PRIM2: variants seen among roughly 807,000 people sequenced by gnomAD.
PRIM2 encodes DNA primase subunit 2, also known as DNA primase large subunit.
PRIM2 carries 39 observed loss-of-function variants against 67.3 expected under a neutral mutation model. The observed-to-expected ratio is 0.58, with a 90% CI of 0.45 to 0.76. PRIM2 has a LOEUF of 0.76. Among genes scored for constraint, PRIM2 ranks in the 30% least tolerant of loss-of-function variants. The probability of loss-of-function intolerance (pLI) is 0.00; values close to 1 mark genes in which losing one functional copy is unlikely to be tolerated. For missense variants in PRIM2, 398 were observed against 598.7 expected, an observed-to-expected ratio of 0.66 and a Z score of 3.50; for synonymous variants, 143 against 198.7, an observed-to-expected ratio of 0.72 and a Z score of 2.36.
chr6:57,337,608 C>T (rs956258467), intron 5 of PRIM2, among the ~76,000 whole-genome samples: 3 of 152,152 alleles, frequency 2.0e-5, no homozygotes, highest in African/African-American at 7.2e-5. Flanking sequence ...TCCTGAATGA[C>T]TACTGGGTAT....
intron 7 of PRIM2, among the ~76,000 whole-genome samples, chr6:57,446,611 A>G (rs1262586743): frequency 6.6e-6 from 1 of 151,824 alleles, no homozygotes; most frequent in African/African-American, 2.4e-5. Flanking sequence ...AACAAGGTGG[A>G]TAGGTGAGAA....
At chr6:57,326,720 CA>C (rs34993120) in intron 5 of PRIM2, among the ~76,000 whole-genome samples, 4 of 145,442 alleles carry the variant, frequency 2.8e-5, no homozygotes, top group East Asian at 4.1e-4. Flanking sequence ...GACTCCGTCT[CA>C]AAAAAAAAAT....
At chr6:57,229,370 T>G in the PRIM2 span, among the ~76,000 whole-genome samples, 2 of 152,208 alleles carry the variant, frequency 1.3e-5, no homozygotes, top group African/African-American at 4.8e-5. Context: ...CTCAATGAAC[T>G]ACATTTAAAA....
chr6:57,240,710 G>T, the PRIM2 span, among the ~76,000 whole-genome samples: 1 of 152,082 alleles, frequency 6.6e-6, no homozygotes, highest in South Asian at 2.1e-4. Flanking sequence ...TACATAACAT[G>T]TTTGAAAAAC....
chr6:57,444,379 G>A (rs62399075), intron 7 of PRIM2, among the ~76,000 whole-genome samples: 2 of 151,922 alleles, frequency 1.3e-5, no homozygotes, highest in African/African-American at 4.8e-5. Flanking sequence ...CCAGCCTGAC[G>A]AACATACTGA....
intron 5 of PRIM2, among the ~76,000 whole-genome samples, chr6:57,329,334 G>A (rs941881888): frequency 5.9e-5 from 9 of 151,768 alleles, no homozygotes; most frequent in Non-Finnish European, 1.0e-4. Context: ...GTGAAGTAAG[G>A]GTCCAACTTC....
chr6:57,589,632 T>C (rs1776253141), intron 10 of PRIM2, among the ~76,000 whole-genome samples: 1 of 152,190 alleles, frequency 6.6e-6, no homozygotes, highest in Non-Finnish European at 1.5e-5. Flanking sequence ...CCGCTGTGCA[T>C]CCAAAAGCTT....
At position 57,318,591 on chromosome 6, in the gene PRIM2, GAGTTAAATGTA is replaced by G; in HGVS notation, c.150_154+6del. 6.4e-7 allele frequency: 1 copy of G among 1,559,552 alleles called. No homozygotes were observed. Among genetic ancestry groups the G allele is most frequent in the Non-Finnish European group, 8.7e-7 (1 of 1,149,588 alleles). The stretch of plus-strand genomic sequence containing the variant: ...GAATTTGAAAACTTGGCTATTGATA[GAGTTAAATGTA>G]AGTACTATTTAAATTAGAATGTATA... On this transcript the variant is annotated splice_donor_variant and splice_donor_region_variant and coding_sequence_variant and intron_variant, in exon 2 of 14. Transcript: ENST00000615550. LOFTEE classifies it high-confidence loss of function.
intron 11 of PRIM2, among the ~76,000 whole-genome samples, chr6:57,605,804 G>GT (rs1195273112): frequency 1.3e-5 from 2 of 151,806 alleles, no homozygotes; most frequent in Non-Finnish European, 2.9e-5. Flanking sequence ...CATATCCACC[G>GT]TAAGTTGTTT....
intron 7 of PRIM2, among the ~76,000 whole-genome samples, chr6:57,400,618 G>T (rs1484162169): frequency 6.6e-6 from 1 of 152,166 alleles, no homozygotes; most frequent in African/African-American, 2.4e-5. Flanking sequence ...AGAGTTCTCT[G>T]TATTTCCTGA....
intron 7 of PRIM2, among the ~76,000 whole-genome samples, chr6:57,440,199 T>A (rs1772158943): frequency 6.6e-6 from 1 of 151,256 alleles, no homozygotes; most frequent in African/African-American, 2.4e-5. Context: ...ACCTTTTATT[T>A]TTTTCTTTTC....
At chr6:57,590,325 G>A (rs1238873265) in intron 10 of PRIM2, among the ~76,000 whole-genome samples, 1 of 152,148 alleles carries the variant, frequency 6.6e-6, no homozygotes, top group African/African-American at 2.4e-5. Flanking sequence ...AACTGTTAAA[G>A]AAAAATAAGA....
At chr6:57,492,966 T>A (rs1227830967) in intron 7 of PRIM2, among the ~76,000 whole-genome samples, 1 of 152,210 alleles carries the variant, frequency 6.6e-6, no homozygotes, top group Non-Finnish European at 1.5e-5. Context: ...CAGCAATACA[T>A]TATATGTTTG....
rs1466040750 is a variant in PRIM2, at chr6:57,451,348, C to G, written c.694-56039C>G. On this transcript the variant is annotated intron_variant, in intron 7 of 13. Coordinates refer to ENST00000615550, the MANE Select transcript of PRIM2 (RefSeq NM_000947.5). ...TAGAGATGAGATTTCACTGTGTTGG[C>G]CAGGCTGGTCTCGAAACCCTGACCT... Among the ~76,000 whole-genome samples the G allele has an allele frequency of 4.6e-5, 7 of 152,158 alleles. No individual in the cohort carries two copies. In the East Asian group the frequency reaches 1.4e-3, roughly 29 times the overall value.
intron 5 of PRIM2, among the ~76,000 whole-genome samples, chr6:57,361,021 C>T (rs923344205): frequency 4.6e-5 from 7 of 151,838 alleles, no homozygotes; most frequent in Admixed American, 6.6e-5. Context: ...TTGGAAGGAG[C>T]GGGTATTTTA....
the PRIM2 span, among the ~76,000 whole-genome samples, chr6:57,286,097 G>A: frequency 2.6e-5 from 4 of 150,964 alleles, no homozygotes; most frequent in African/African-American, 9.9e-5. Context: ...ACTGCTCAAG[G>A]AAATAAGACA....
intron 8 of PRIM2, among the ~76,000 whole-genome samples, chr6:57,518,934 C>T (rs2127463471): frequency 1.3e-5 from 2 of 152,192 alleles, no homozygotes; most frequent in Non-Finnish European, 2.9e-5. Context: ...TTTCTATTTT[C>T]CTTAAGCGTC....
chr6:57,602,060 A>T (rs1481278738), intron 11 of PRIM2, among the ~76,000 whole-genome samples: 3 of 143,522 alleles, frequency 2.1e-5, no homozygotes, highest in Non-Finnish European at 4.6e-5. Flanking sequence ...ATAAACATAG[A>T]TTTTTTTTTT....
chr6:57,433,476 T>A (rs559357485), intron 7 of PRIM2, among the ~76,000 whole-genome samples: 1 of 151,572 alleles, frequency 6.6e-6, no homozygotes, highest in African/African-American at 2.4e-5. Flanking sequence ...AGAACACTTT[T>A]AAAAAAATCA....
Sources: gnomAD v4.1 joint callset for allele counts (sites outside exome capture counted in the v4.1 genomes callset) on GRCh38, gnomAD v4.1.1 for gene constraint, MANE v1.5 for transcripts, NCBI Gene and HGNC (gene_info 2026-07-23, HGNC 2026-07-21) for gene names.